The following CHL1 variants were observed in gnomAD, a reference collection of about 807,000 sequenced individuals.
The protein encoded by CHL1 is neural cell adhesion molecule L1-like protein.
Under a neutral mutation model 141.9 loss-of-function variants are expected in CHL1, and 96 were observed. The ratio of observed to expected loss-of-function variants is 0.68; its 90% CI spans 0.57 to 0.80. CHL1 has a LOEUF of 0.80. CHL1 is among the 30% of genes least tolerant of loss of function. CHL1 has a pLI of 0.00. For missense variants in CHL1, 1,820 were observed against 1,457.2 expected (o/e 1.25, Z -4.05); for synonymous variants, 613 against 502.2 (o/e 1.22, Z -2.95).
rs527342156 is a variant in CHL1 at position 393,067 on chromosome 3, A to G, written c.2914+1270A>G. 2.0e-5 allele frequency among the ~76,000 whole-genome samples: 3 copies of G among 152,184 alleles called. No individual in the cohort carries two copies. In the South Asian group the frequency reaches 6.2e-4, roughly 32 times the overall value. ...GCTAACACGGTGAAACCCCGTCTCT[A>G]TTAAAAATACAAAAAATTATCCAGG... On this transcript the variant is annotated intron_variant, in intron 23 of 27. Coordinates refer to ENST00000256509, the MANE Select transcript of CHL1 (RefSeq NM_006614.4).
In CHL1 at chr3:398,503, C is replaced by G. The variant is rs773990621; in HGVS notation, c.3253+118C>G. On this transcript the variant is annotated intron_variant, in intron 25 of 27. Transcript: ENST00000256509. ...CACTGAGTGTATTAATTATGAAAAT[C>G]GTAATTTCAATTTGTTTTGACATAT... is the stretch of plus-strand genomic sequence containing the variant. The G allele has an allele frequency of 3.7e-5, 21 of 565,556 alleles. No individual in the cohort carries two copies. The Admixed American group carries it at 6.5e-4, about 17-fold the overall frequency. The allele number at this position is 565,556 out of a possible 1,614,324, so 35.0% of individuals were successfully genotyped here.
intron 11 of CHL1, among the ~76,000 whole-genome samples, chr3:358,212 C>G (rs897587827): frequency 6.6e-6 from 1 of 152,080 alleles, no homozygotes; most frequent in Non-Finnish European, 1.5e-5. Context: ...GGAGAGCATT[C>G]CTTCGTTTGC....
chr3:295,437 TA>T (rs1219480812), intron 2 of CHL1, among the ~76,000 whole-genome samples: 1 of 152,034 alleles, frequency 6.6e-6, no homozygotes, highest in African/African-American at 2.4e-5. Flanking sequence ...AAGACTTAAA[TA>T]AAAGTGATAC....
At chr3:344,518 A>G (rs1702599002) in intron 8 of CHL1, 71 bp from the exon 9 acceptor site, 1 of 1,185,050 alleles carries the variant, frequency 8.4e-7, no homozygotes, top group Admixed American at 2.1e-5. Flanking sequence ...TGTTTTAAGA[A>G]AGATGTGGTG....
At position 235,196 on chromosome 3, in the gene CHL1, C is replaced by T. The variant is rs144809895; in HGVS notation, c.-174-9417C>T. ...AAAAATATTTGTGTCACTAATCTTG[C>T]GGCCATAAAGAACAAGAGTTTGCTT... On this transcript the variant is annotated intron_variant, in intron 1 of 27. Transcript: ENST00000256509. Among the ~76,000 whole-genome samples the T allele has an allele frequency of 7.8e-4, 119 of 151,938 alleles. 1 individual carries two copies. The highest frequency in any genetic ancestry group is 2.7e-3 in the African/African-American group (110 of 41,432).
intron 3 of CHL1, among the ~76,000 whole-genome samples, chr3:321,888 G>T (rs889294363): frequency 1.3e-5 from 2 of 152,130 alleles, no homozygotes; most frequent in East Asian, 1.9e-4. Flanking sequence ...ATAGAGGAAA[G>T]GATTTATAAT....
At position 209,563 on chromosome 3, in the gene CHL1, CT is replaced by C. The variant is rs200294702; in HGVS notation, c.-175+12508del. ...TACAAATTCTTAACAGAACCCTAAT[CT>C]TTTTTTTGTCATTATTATACTTCAA... On this transcript the variant is annotated intron_variant, in intron 1 of 27. Coordinates refer to ENST00000256509, the MANE Select transcript of CHL1 (RefSeq NM_006614.4). 8.1e-3 allele frequency among the ~76,000 whole-genome samples: 1,225 copies of C among 152,102 alleles called. 13 individuals carry two copies. The highest frequency in any genetic ancestry group is 0.028 in the African/African-American group (1,182 of 41,520).
chr3:356,836 A>G (rs1336776516), intron 11 of CHL1, among the ~76,000 whole-genome samples: 4 of 152,232 alleles, frequency 2.6e-5, no homozygotes, highest in Non-Finnish European at 2.9e-5. Flanking sequence ...AAAGATGAAC[A>G]TCGAAGTAGG....
intron 7 of CHL1, 117 bp from the exon 8 acceptor site, chr3:342,867 G>A (rs1174467941): frequency 2.9e-6 from 2 of 682,890 alleles, no homozygotes; most frequent in African/African-American, 1.8e-5. Flanking sequence ...TTCTAGTGAA[G>A]CATGGTTCTA....
At chr3:374,155 G>A (rs1224896839) in intron 15 of CHL1, 1 of 150,944 alleles carries the variant, frequency 6.6e-6, no homozygotes, top group Non-Finnish European at 1.5e-5. Context: ...ATTTATGTGT[G>A]AGCCGCCTCT....
chr3:250,656 C>T (rs1332537497), intron 2 of CHL1, among the ~76,000 whole-genome samples: 2 of 152,102 alleles, frequency 1.3e-5, no homozygotes, highest in African/African-American at 4.8e-5. Context: ...TGCTTGCTGA[C>T]TGCCTTCAGC....
At chr3:353,982 T>G (rs1703487458) in intron 10 of CHL1, among the ~76,000 whole-genome samples, 1 of 152,188 alleles carries the variant, frequency 6.6e-6, no homozygotes, top group African/African-American at 2.4e-5. Flanking sequence ...TTTGTAGTAT[T>G]GTTACACTGG....
chr3:351,004 C>T (rs1471020686), intron 10 of CHL1, among the ~76,000 whole-genome samples: 5 of 152,102 alleles, frequency 3.3e-5, no homozygotes, highest in Admixed American at 3.3e-4. Context: ...CCCTCCCTGG[C>T]ACACACACAC....
intron 1 of CHL1, among the ~76,000 whole-genome samples, chr3:200,539 G>A (rs138886121): frequency 2.6e-5 from 4 of 152,192 alleles, no homozygotes; most frequent in East Asian, 1.9e-4. Flanking sequence ...TAATTCAGTC[G>A]GAAGAGAATG....
chr3:346,533 G>A (rs1702783611), intron 9 of CHL1, among the ~76,000 whole-genome samples: 1 of 152,178 alleles, frequency 6.6e-6, no homozygotes, highest in South Asian at 2.1e-4. Context: ...CAACTGCGCA[G>A]AATGTCTTCA....
Position 390,735 on chromosome 3 carries a change from C to A in CHL1, c.2505C>A (p.Asp835Glu), listed in dbSNP as rs377752260. Residue 835 changes from aspartate (D) to glutamate (E), a missense_variant, in exon 21 of 28, where the codon GAC (aspartate) becomes GAA (glutamate). Coordinates refer to ENST00000256509, the MANE Select transcript of CHL1 (RefSeq NM_006614.4). ...CAGCTCCAGTGATCCATGGGGTGGA[C>A]GTTATAAACAGTACATTAGTTAAAG... ...PDTAPVIHGV[D>E]VINSTLVKVT... 5.0e-6 allele frequency: 8 copies of A among 1,608,484 alleles called. No individual in the cohort carries two copies. In the East Asian group the frequency reaches 1.6e-4, roughly 31 times the overall value.
intron 1 of CHL1, among the ~76,000 whole-genome samples, chr3:210,330 T>C (rs1177475272): frequency 1.3e-5 from 2 of 152,214 alleles, no homozygotes; most frequent in South Asian, 2.1e-4. Flanking sequence ...GGTGAGGAAT[T>C]TAGGCAGGGC....
chr3:359,393 TCCTGG>T (rs1486331984), intron 11 of CHL1, among the ~76,000 whole-genome samples: 2 of 152,108 alleles, frequency 1.3e-5, no homozygotes, highest in African/African-American at 4.8e-5. Context: ...AACCTCCACC[TCCTGG>T]GTTCAAGTGA....
At chr3:250,959 AGTCGCAAAGAGAGACAC>A (rs1380511612) in intron 2 of CHL1, among the ~76,000 whole-genome samples, 57 of 152,182 alleles carry the variant, frequency 3.7e-4, no homozygotes, top group Non-Finnish European at 6.8e-4. Flanking sequence ...TTGAAGATAC[AGTCGCAAAGAGAGACAC>A]AGTTCTTATC....
Sources: allele counts gnomAD v4.1 joint callset (sites outside exome capture counted in the v4.1 genomes callset), GRCh38; gene constraint gnomAD v4.1.1; transcripts MANE v1.5; gene names NCBI Gene and HGNC (gene_info 2026-07-23, HGNC 2026-07-21).